MYH8: variants seen among roughly 807,000 people sequenced by gnomAD.
MYH8 encodes the protein myosin heavy chain 8.
In MYH8, 168 loss-of-function variants were observed where a neutral mutation model predicts 233.2. The ratio of observed to expected loss-of-function variants is 0.72; its 90% CI spans 0.64 to 0.82. The LOEUF (loss-of-function observed/expected upper bound fraction) is 0.82. Ranked by LOEUF, MYH8 falls within the 40% of genes least tolerant of loss-of-function variation. The pLI, the probability that MYH8 is intolerant of heterozygous loss-of-function variation, is 0.00. For synonymous variants in MYH8, 785 were observed against 850.6 expected (o/e 0.92, Z 1.34); for missense variants, 1,995 against 2,327.8 (o/e 0.86, Z 2.94).
chr17:10,395,788 T>A (rs767993502), intron 33 of MYH8, among the ~76,000 whole-genome samples: 11 of 152,138 alleles, frequency 7.2e-5, no homozygotes, highest in Non-Finnish European at 1.3e-4. Flanking sequence ...ACTATCAGTT[T>A]TAAAATGTTA....
chr17:10,412,430 G>T lies in MYH8; in HGVS notation c.1356C>A (p.Thr452=). 1 of 1,614,232 alleles carries T rather than the reference G, an allele frequency of 6.2e-7. No homozygotes were observed. Among genetic ancestry groups the T allele is most frequent in the Non-Finnish European group, 8.5e-7 (1 of 1,180,052 alleles). Reference sequence around the variant, plus strand: ...CGATGAAGTACTGCCTGGGCTGCTTGGTGTCCAGCTGCTGGTTGATGCGGG... The same window carrying T: ...CGATGAAGTACTGCCTGGGCTGCTTTGTGTCCAGCTGCTGGTTGATGCGGG... The part of the protein sequence containing the change: ...MVTRINQQLD[T]KQPRQYFIGV... Residue 452 remains threonine (T), a synonymous_variant, in exon 14 of 40, where the codon ACC becomes ACA. Coordinates refer to ENST00000403437, the MANE Select transcript of MYH8 (RefSeq NM_002472.3).
Position 10,401,334 on chromosome 17 carries a change from C to T in MYH8, c.3049G>A (p.Glu1017Lys), listed in dbSNP as rs146341182. The change falls in exon 24 of 40, where the codon GAG becomes AAG. Residue 1017 changes from glutamate to lysine, a missense_variant. Physicochemically the swap from Glu to Lys is moderately conservative, Grantham distance 56 (BLOSUM62 1). Around this residue, in one of 3 missense-constraint regions of MYH8, gnomAD observed 1,498 missense variants for 1,680.9 expected, o/e 0.89. Coordinates refer to ENST00000403437, the MANE Select transcript of MYH8 (RefSeq NM_002472.3). ...TTGGTCAGGATGTTGACTTTGTCCT[C>T]CTCTGCCTGCAGGTCATCCAGGGTC... ...QQTLDDLQAE[E>K]DKVNILTKAK... 9 of 1,614,048 alleles carry T rather than the reference C, an allele frequency of 5.6e-6. No homozygotes were observed. The African/African-American group carries it at 9.3e-5, about 17-fold the overall frequency.
At position 10,395,299 on chromosome 17, in the gene MYH8, G is replaced by T; in HGVS notation, c.4796C>A (p.Thr1599Lys). The change falls in exon 34 of 40, where the codon ACA (threonine) becomes AAA (lysine). Residue 1599 changes from threonine (T) to lysine (K), a missense_variant. This residue lies in a region of MYH8 where 1,498 missense variants were observed against 1,680.9 expected (regional missense o/e 0.89). Coordinates refer to ENST00000403437, the MANE Select transcript of MYH8 (RefSeq NM_002472.3). ...LKRNHTRVVE[T>K]MQSTLDAEIR... ...CTCTGCATCCAGCGTGCTCTGCATT[G>T]TCTCCACGACTCTAGTGTGGTTTCT... 6.2e-7 allele frequency: 1 copy of T among 1,614,070 alleles called. No homozygotes were observed. Among genetic ancestry groups the T allele is most frequent in the Non-Finnish European group, 8.5e-7 (1 of 1,180,016 alleles).
chr17:10,421,482 G>A (rs2072339487), intron 2 of MYH8, among the ~76,000 whole-genome samples, 181 bp downstream of exon 2: 2 of 152,162 alleles, frequency 1.3e-5, no homozygotes, highest in Non-Finnish European at 2.9e-5. Context: ...AATGAGGATA[G>A]TCTCTGAGAA....
chr17:10,414,430 T>C lies in MYH8; in HGVS notation c.860A>G (p.His287Arg), dbSNP rs1290966676. The stretch of plus-strand genomic sequence containing the variant: ...ATTGGAAGTGATCTGATAAAAAATA[T>C]GGTAGCTTCTTTCCGCCTTTAGCTG... ...TFQLKAERSY[H>R]IFYQITSNKK... The change falls in exon 10 of 40, where the codon CAT (histidine) becomes CGT (arginine). Residue 287 changes from histidine (H) to arginine (R), a missense_variant. Around this residue, in one of 3 missense-constraint regions of MYH8, gnomAD observed 479 missense variants for 600.9 expected, o/e 0.80. Coordinates refer to ENST00000403437, the MANE Select transcript of MYH8 (RefSeq NM_002472.3). The C allele has an allele frequency of 6.2e-7, 1 of 1,613,606 alleles. No individual in the cohort carries two copies. The highest frequency in any genetic ancestry group is 1.3e-5 in the African/African-American group (1 of 74,942).
At position 10,396,830 on chromosome 17, in the gene MYH8, A is replaced by G. The variant is rs1190288967; in HGVS notation, c.4335T>C (p.Leu1445=). 6.2e-7 allele frequency: 1 copy of G among 1,614,172 alleles called. No individual in the cohort carries two copies. The part of the protein sequence containing the change: ...VERSNAACAA[L]DKKQRNFDKV... Reference sequence around the variant, plus strand: ...TGTCAAAGTTCCTTTGCTTCTTATCAAGGGCTGCACAGGCTGCATTAGACC... The same window carrying G: ...TGTCAAAGTTCCTTTGCTTCTTATCGAGGGCTGCACAGGCTGCATTAGACC... The change falls in exon 31 of 40, where the codon CTT becomes CTC. Residue 1445 remains leucine, a synonymous_variant. Transcript: ENST00000403437. The surrounding 1 kb of genome is among the most constrained non-coding windows in gnomAD (Gnocchi z 4.2).
chr17:10,391,876 A>G lies in MYH8; in HGVS notation c.5664+6T>C. 2.5e-6 allele frequency: 4 copies of G among 1,610,544 alleles called. No individual in the cohort carries two copies. In the African/African-American group the frequency reaches 4.0e-5, roughly 16 times the overall value. ...CTTCTTTCCTCAAGGGCTTAAAGAT[A>G]CTTACAGCCTCCTCAGCTTGTCTCT... On this transcript the variant is annotated splice_donor_region_variant and intron_variant, in intron 39 of 39. Coordinates refer to ENST00000403437, the MANE Select transcript of MYH8 (RefSeq NM_002472.3).
In MYH8 at chr17:10,401,590, G is replaced by A; in HGVS notation, c.2884C>T (p.Leu962=). 1 of 1,614,092 alleles carries A rather than the reference G, an allele frequency of 6.2e-7. No homozygotes were observed. The part of the protein sequence containing the change: ...ELKKDIDDLE[L]TLAKVEKEKH... Reference sequence around the variant, plus strand: ...TCCTTCTCAACCTTGGCCAGTGTCAGCTCAAGGTCATCAATGTCTTTCTTG... The same window carrying A: ...TCCTTCTCAACCTTGGCCAGTGTCAACTCAAGGTCATCAATGTCTTTCTTG... The change falls in exon 23 of 40, where the codon CTG becomes TTG. Residue 962 remains leucine, a synonymous_variant. Transcript: ENST00000403437.
rs759834838 is a variant in MYH8 at position 10,396,690 on chromosome 17, T to A, written c.4391A>T (p.Glu1464Val). The A allele has an allele frequency of 3.1e-6, 5 of 1,614,138 alleles. No homozygotes were observed. The highest frequency in any genetic ancestry group is 4.2e-6 in the Non-Finnish European group (5 of 1,180,054). Residue 1464 changes from glutamate to valine, a missense_variant, in exon 32 of 40, where the codon GAG becomes GTG. Glu to Val is a moderately radical substitution (Grantham distance 121). Coordinates refer to ENST00000403437, the MANE Select transcript of MYH8 (RefSeq NM_002472.3). The surrounding 1 kb of genome is among the most constrained non-coding windows in gnomAD (Gnocchi z 4.2). ...GGCCTCAAGTTCAGCCTGAGTTTCC[T>A]CATACTTCTGCTTCCATTCTGATAG... ...KVLSEWKQKY[E>V]ETQAELEASQ...
At chr17:10,421,186 C>A (rs2072336830) in intron 2 of MYH8, among the ~76,000 whole-genome samples, 1 of 151,994 alleles carries the variant, frequency 6.6e-6, no homozygotes, top group Non-Finnish European at 1.5e-5. Flanking sequence ...TATTTAACAC[C>A]CGGTGGATGT....
At position 10,398,344 on chromosome 17, in the gene MYH8, G is replaced by A. The variant is rs192295425; in HGVS notation, c.4178+100C>T. On this transcript the variant is annotated intron_variant, in intron 30 of 39. Coordinates refer to ENST00000403437, the MANE Select transcript of MYH8 (RefSeq NM_002472.3). The stretch of plus-strand genomic sequence containing the variant: ...ATATATATAATACTTGACACAGTAT[G>A]CACTCAATAAATGTTAGCTTTTGCT... 7.8e-6 allele frequency: 12 copies of A among 1,536,916 alleles called. No individual in the cohort carries two copies. The Admixed American group carries it at 1.2e-4, about 15-fold the overall frequency.
rs199851248 is a variant in MYH8 at position 10,413,982 on chromosome 17, G to A, written c.1067C>T (p.Thr356Ile). ...GTTCCCATAATGCATCACAGCCCCT[G>A]TGAGTTTATAGATGGACACTTTCTC... Reference protein sequence around the residue: ...PEEKVSIYKLTGAVMHYGNMK... With the variant: ...PEEKVSIYKLIGAVMHYGNMK... The change falls in exon 12 of 40, where the codon ACA becomes ATA. Residue 356 changes from threonine to isoleucine, a missense_variant. Around this residue, in one of 3 missense-constraint regions of MYH8, gnomAD observed 479 missense variants for 600.9 expected, o/e 0.80. Transcript: ENST00000403437. 338 of 1,613,902 alleles carry A rather than the reference G, an allele frequency of 2.1e-4. No individual in the cohort carries two copies. The highest frequency in any genetic ancestry group is 5.2e-5 in the Non-Finnish European group (61 of 1,180,030).
In MYH8 at chr17:10,415,059, C is replaced by A. The variant is rs957798551; in HGVS notation, c.805+57G>T. ...TGCACAGCAAGGGTGGCAAAATATC[C>A]CTGCAAATGAAATCACTTGTCTCTC... On this transcript the variant is annotated intron_variant, in intron 9 of 39. Coordinates refer to ENST00000403437, the MANE Select transcript of MYH8 (RefSeq NM_002472.3). This position sits in a 1 kb window ranked among gnomAD's most constrained non-coding sequence, Gnocchi z 4.1. The A allele has an allele frequency of 2.6e-6, 4 of 1,533,704 alleles. No homozygotes were observed. Among genetic ancestry groups the A allele is most frequent in the Admixed American group, 1.7e-5 (1 of 59,866 alleles).
rs2072129246 is a variant in MYH8 at position 10,400,570 on chromosome 17, G to A, written c.3555C>T (p.Thr1185=). 1 of 1,614,194 alleles carries A rather than the reference G, an allele frequency of 6.2e-7. No homozygotes were observed. The highest frequency in any genetic ancestry group is 1.1e-5 in the South Asian group (1 of 91,080). The change falls in exon 27 of 40, where the codon ACC becomes ACT. Residue 1185 remains threonine, a synonymous_variant. Transcript: ENST00000403437. This position sits in a 1 kb window ranked among gnomAD's most constrained non-coding sequence, Gnocchi z 4.0. The stretch of plus-strand genomic sequence containing the variant: ...CAGCCACCATAGCTTCATGCTGCAG[G>A]GTGGCCTCCTCCAGGTCCCTGCGCA... ...QKLRRDLEEA[T]LQHEAMVAAL...
At chr17:10,401,932 T>C (rs1165681033) in intron 22 of MYH8, 147 bp from the exon 23 acceptor site, 2 of 1,209,332 alleles carry the variant, frequency 1.7e-6, no homozygotes, top group Non-Finnish European at 2.4e-6. Context: ...CATTATTACA[T>C]GGTCTGGAGA....
At chr17:10,410,322 AAAT>A (rs2142184230) in intron 15 of MYH8, among the ~76,000 whole-genome samples, 1 of 152,306 alleles carries the variant, frequency 6.6e-6, no homozygotes, top group Non-Finnish European at 1.5e-5. Context: ...ATAAATAAAT[AAAT>A]AAAATAGATT....
Position 10,414,088 on chromosome 17 carries a change from T to C in MYH8, c.1009-48A>G, listed in dbSNP as rs760805938. The C allele has an allele frequency of 5.6e-6, 9 of 1,612,894 alleles. No individual in the cohort carries two copies. In the East Asian group the frequency reaches 2.0e-4, roughly 36 times the overall value. On this transcript the variant is annotated intron_variant, in intron 11 of 39. Transcript: ENST00000403437. ...AAAAGTTAGGGCTGAAGAGACTAAC[T>C]TATAAGAGAATTTATACATATCCTA...
chr17:10,398,722 G>T lies in MYH8; in HGVS notation c.3981+46C>A, dbSNP rs780575615. The T allele has an allele frequency of 2.5e-6, 4 of 1,613,582 alleles. No individual in the cohort carries two copies. The South Asian group carries it at 3.3e-5, about 13-fold the overall frequency. ...CACATCCCAAGTAGAGCCTAACTGG[G>T]CAGGTTTAGATTTGGTTAGTCAAAA... On this transcript the variant is annotated intron_variant, in intron 29 of 39. Coordinates refer to ENST00000403437, the MANE Select transcript of MYH8 (RefSeq NM_002472.3).
chr17:10,392,580 G>A lies in MYH8; in HGVS notation c.5530C>T (p.Arg1844Trp), dbSNP rs751486450. The part of the protein sequence containing the change: ...KRNAEAVKGL[R>W]KHERRVKELT... ...TCTTTTACTCGTCGCTCATGTTTCCGTAAACCTTTAACAGCCTCTGCATTA... is the reference window on the plus strand; with the variant it reads ...TCTTTTACTCGTCGCTCATGTTTCCATAAACCTTTAACAGCCTCTGCATTA... Residue 1844 changes from arginine (R) to tryptophan (W), a missense_variant, in exon 38 of 40, where the codon CGG becomes TGG. Arg to Trp is a moderately radical substitution (Grantham distance 101). Transcript: ENST00000403437. The A allele has an allele frequency of 8.4e-5, 135 of 1,614,010 alleles. No homozygotes were observed. The highest frequency in any genetic ancestry group is 1.0e-4 in the Non-Finnish European group (121 of 1,180,002).
Sources: allele counts gnomAD v4.1 joint callset (sites outside exome capture counted in the v4.1 genomes callset), GRCh38; gene constraint gnomAD v4.1.1; regional missense constraint gnomAD v4.1.1; non-coding constraint Gnocchi (gnomAD v3.1); transcripts MANE v1.5; gene names NCBI Gene and HGNC (gene_info 2026-07-23, HGNC 2026-07-21).